INPP5B: variants seen among roughly 807,000 people sequenced by gnomAD.
The protein encoded by INPP5B is inositol polyphosphate-5-phosphatase B.
Under a neutral mutation model 118.5 loss-of-function variants are expected in INPP5B, and 90 were observed. The observed-to-expected ratio is 0.76, with a 90% confidence interval of 0.64 to 0.90. The LOEUF (loss-of-function observed/expected upper bound fraction) is 0.90, where lower values mean the gene tolerates loss of function less well. Ranked by LOEUF, INPP5B falls within the 40% of genes least tolerant of loss-of-function variation. INPP5B has a pLI of 0.00. For synonymous variants in INPP5B, 385 were observed against 418.9 expected, an observed-to-expected ratio of 0.92 and a Z score of 0.99; for missense variants, 984 against 1,125.6, an observed-to-expected ratio of 0.87 and a Z score of 1.80.
rs765317722 is a variant in INPP5B at position 37,943,900 on chromosome 1, G to T, written c.153-7C>A. 3.1e-6 allele frequency: 5 copies of T among 1,609,146 alleles called. No homozygotes were observed. Among genetic ancestry groups the T allele is most frequent in the Non-Finnish European group, 4.3e-6 (5 of 1,175,592 alleles). On this transcript the variant is annotated splice_polypyrimidine_tract_variant and splice_region_variant and intron_variant, in intron 3 of 23. Transcript: ENST00000373024. ...GTGCGTATAGAGGAAGAGACTAAGG[G>T]CAGGAAGCAGAGGTGAGGATGGGGG...
intron 7 of INPP5B, among the ~76,000 whole-genome samples, chr1:37,904,195 C>A (rs1021219305): frequency 6.6e-6 from 1 of 151,874 alleles, no homozygotes; most frequent in South Asian, 2.1e-4. Flanking sequence ...CATGGTGATG[C>A]GTGCCTGTAG....
At chr1:37,932,197 A>C in intron 6 of INPP5B, 144 bp from the exon 7 acceptor site, 2 of 870,312 alleles carry the variant, frequency 2.3e-6, no homozygotes, top group Non-Finnish European at 3.3e-6. Flanking sequence ...TGCAAGAATA[A>C]TTGTGAACAC....
rs575969418 is a variant in INPP5B at position 37,868,648 on chromosome 1, G to T, written c.2188-34C>A. ...CAATCAAGATCATGACAGAACTTCT[G>T]CCAGGCTGGCTCCAGGAAAATGCAT... On this transcript the variant is annotated intron_variant, in intron 19 of 23. Transcript: ENST00000373024. 1.1e-5 allele frequency: 15 copies of T among 1,407,362 alleles called. No homozygotes were observed. The East Asian group carries it at 2.7e-4, about 26-fold the overall frequency. 87.2% of individuals were successfully genotyped at this position (1,407,362 alleles called of 1,614,324 possible). A position where few individuals can be genotyped will look rare whatever the true frequency, so the allele number is the denominator to read the frequency against.
chr1:37,901,164 G>T (rs572550985), intron 7 of INPP5B, among the ~76,000 whole-genome samples: 1 of 152,116 alleles, frequency 6.6e-6, no homozygotes. Context: ...CCACTAAATC[G>T]TGAGCTCTGC....
intron 23 of INPP5B, among the ~76,000 whole-genome samples, chr1:37,863,633 G>C (rs1641842503): frequency 6.6e-6 from 1 of 151,928 alleles, no homozygotes; most frequent in Admixed American, 6.6e-5. Context: ...AGGTTGCAGT[G>C]AGCTGAGATC....
intron 7 of INPP5B, among the ~76,000 whole-genome samples, chr1:37,920,143 C>T (rs947268936): frequency 1.3e-5 from 2 of 152,146 alleles, no homozygotes; most frequent in Admixed American, 1.3e-4. Context: ...GTAAATGGCA[C>T]ACAGCCAGGG....
At position 37,943,834 on chromosome 1, in the gene INPP5B, T is replaced by C; in HGVS notation, c.212A>G (p.Gln71Arg). Residue 71 changes from glutamine to arginine, a missense_variant, in exon 4 of 24, where the codon CAG becomes CGG. Gln to Arg is a conservative substitution (Grantham distance 43). Transcript: ENST00000373024. ...AITGDDVSLD[Q>R]IVPVSRDFTL... ...AAAATCCCGCGAGACTGGCACTATC[T>C]GGTCCAGAGAGACATCGTCCCCGGT... The C allele has an allele frequency of 6.2e-7, 1 of 1,614,182 alleles. No homozygotes were observed. The highest frequency in any genetic ancestry group is 8.5e-7 in the Non-Finnish European group (1 of 1,180,038).
At chr1:37,868,004 C>T (rs116236238) in intron 20 of INPP5B, among the ~76,000 whole-genome samples, 1,770 of 152,232 alleles carry the variant, frequency 0.012, 23 homozygotes, top group Non-Finnish European at 0.017. Context: ...TCCTATGCAA[C>T]GCTGCTTCCC....
rs999626554 is a variant in INPP5B, at chr1:37,878,467, G to A, written c.1542-144C>T. Reference sequence around the variant, plus strand: ...TCATCTGAGGCAGCAAGAGCAATTCGGGCCCACCAAGGGATAACATGTATC... The same window carrying A: ...TCATCTGAGGCAGCAAGAGCAATTCAGGCCCACCAAGGGATAACATGTATC... On this transcript the variant is annotated intron_variant, in intron 15 of 23. Coordinates refer to ENST00000373024, the MANE Select transcript of INPP5B (RefSeq NM_005540.3). The A allele has an allele frequency of 7.6e-6, 11 of 1,454,518 alleles. No homozygotes were observed. In the South Asian group the frequency reaches 8.3e-5, roughly 11 times the overall value. The allele number at this position is 1,454,518 out of a possible 1,614,324, so 90.1% of individuals were successfully genotyped here.
At chr1:37,891,545 T>A (rs760897752) in intron 7 of INPP5B, 91 bp from the exon 8 acceptor site, 37 of 848,272 alleles carry the variant, frequency 4.4e-5, no homozygotes, top group African/African-American at 1.9e-4. Context: ...GAGGCCAAGG[T>A]AGGTGGATCA....
intron 20 of INPP5B, 81 bp downstream of exon 20, chr1:37,868,420 C>T: frequency 1.2e-6 from 1 of 843,530 alleles, no homozygotes; most frequent in Non-Finnish European, 2.0e-6. Context: ...CCACAGTTTC[C>T]TTATGAAAAA....
At chr1:37,868,946 T>C (rs1318593172) in intron 19 of INPP5B, among the ~76,000 whole-genome samples, 2 of 152,172 alleles carry the variant, frequency 1.3e-5, no homozygotes, top group Admixed American at 1.3e-4. Flanking sequence ...AGTCCAAAAA[T>C]CTGAGTTCAA....
chr1:37,896,112 G>C, intron 7 of INPP5B, among the ~76,000 whole-genome samples: 1 of 148,576 alleles, frequency 6.7e-6, no homozygotes, highest in Non-Finnish European at 1.5e-5. Flanking sequence ...AGTGAGGAGC[G>C]TCTCTGCCCG....
rs536410561 is a variant in INPP5B at position 37,887,127 on chromosome 1, G to A, written c.1015-123C>T. ...TCTCCTTCTCCACACTAGAACACAG[G>A]TAATCATCTGTTCAATTCACCAAGC... On this transcript the variant is annotated intron_variant, in intron 11 of 23. Transcript: ENST00000373024. The A allele has an allele frequency of 6.2e-6, 5 of 806,824 alleles. No individual in the cohort carries two copies. The African/African-American group carries it at 8.5e-5, about 14-fold the overall frequency. The allele number at this position is 806,824 out of a possible 1,614,324, so 50.0% of individuals were successfully genotyped here.
At position 37,943,650 on chromosome 1, in the gene INPP5B, G is replaced by A; in HGVS notation, c.270C>T (p.Leu90=). Residue 90 remains leucine, a synonymous_variant, in exon 5 of 24, where the codon CTC becomes CTT. Coordinates refer to ENST00000373024, the MANE Select transcript of INPP5B (RefSeq NM_005540.3). The stretch of plus-strand genomic sequence containing the variant: ...AAGAGGACCACTCACCAAGGATGTA[G>A]AGTTCACCATCTGGGGACACTGTGG... ...TLEEVSPDGE[L]YILGSDVTVQ... The A allele has an allele frequency of 6.2e-7, 1 of 1,614,096 alleles. No homozygotes were observed. Among genetic ancestry groups the A allele is most frequent in the Non-Finnish European group, 8.5e-7 (1 of 1,180,004 alleles).
At chr1:37,919,165 A>G (rs1157493804) in intron 7 of INPP5B, among the ~76,000 whole-genome samples, 1 of 152,204 alleles carries the variant, frequency 6.6e-6, no homozygotes, top group Non-Finnish European at 1.5e-5. Flanking sequence ...TAGAAGGTTT[A>G]AATCTGTTTG....
At chr1:37,915,839 T>C (rs192078254) in intron 7 of INPP5B, among the ~76,000 whole-genome samples, 4 of 152,374 alleles carry the variant, frequency 2.6e-5, no homozygotes, top group East Asian at 3.9e-4. Context: ...ACACGTTATA[T>C]TGAGAAAGTT....
chr1:37,885,427 G>A, intron 13 of INPP5B: 2 of 455,632 alleles, frequency 4.4e-6, no homozygotes, highest in South Asian at 3.7e-5. Flanking sequence ...AAAAAAAAAA[G>A]TAAGAAAAGA....
In INPP5B at chr1:37,872,996, G is replaced by A. The variant is rs763532982; in HGVS notation, c.2121C>T (p.Pro707=). 1.3e-5 allele frequency: 21 copies of A among 1,614,130 alleles called. No homozygotes were observed. Among genetic ancestry groups the A allele is most frequent in the East Asian group, 4.5e-5 (2 of 44,870 alleles). Residue 707 remains proline (P), a synonymous_variant, in exon 19 of 24, where the codon CCC becomes CCT. Coordinates refer to ENST00000373024, the MANE Select transcript of INPP5B (RefSeq NM_005540.3). ...GNYLPSCFGS[P]IHTLCYMREP... ...CTCTCATGTAACACAGTGTATGAATGGGAGACCCAAAACAGCTGGGCAGGT... is the reference window on the plus strand; with the variant it reads ...CTCTCATGTAACACAGTGTATGAATAGGAGACCCAAAACAGCTGGGCAGGT...
Sources: gnomAD v4.1 joint callset for allele counts (sites outside exome capture counted in the v4.1 genomes callset) on GRCh38, gnomAD v4.1.1 for gene constraint, MANE v1.5 for transcripts, NCBI Gene and HGNC (gene_info 2026-07-23, HGNC 2026-07-21) for gene names.